RALGAPA2: variants seen among roughly 807,000 people sequenced by gnomAD.
RALGAPA2 encodes the protein ral GTPase-activating protein subunit alpha-2.
A neutral mutation model predicts 230.4 loss-of-function variants in RALGAPA2; 139 were observed. The observed-to-expected ratio is 0.60, with a 90% confidence interval of 0.53 to 0.69. RALGAPA2 has a LOEUF of 0.69. Among genes scored for constraint, RALGAPA2 ranks in the 30% least tolerant of loss-of-function variants. RALGAPA2 has a pLI of 0.00. For synonymous variants in RALGAPA2, 847 were observed against 837.8 expected (o/e 1.01, Z -0.19); for missense variants, 2,163 against 2,276.0 (o/e 0.95, Z 1.01).
At chr20:20,483,926 T>C (rs999945250) in intron 36 of RALGAPA2, among the ~76,000 whole-genome samples, 6 of 152,290 alleles carry the variant, frequency 3.9e-5, no homozygotes, top group South Asian at 2.1e-4. Context: ...TCTTGTACTC[T>C]AGTGATGCTG....
intron 36 of RALGAPA2, among the ~76,000 whole-genome samples, chr20:20,480,125 T>C (rs1458820352): frequency 6.6e-6 from 1 of 152,238 alleles, no homozygotes; most frequent in Non-Finnish European, 1.5e-5. Context: ...ACTAGAAGAC[T>C]CAATATTGTT....
chr20:20,603,667 T>C (rs1179028068), intron 15 of RALGAPA2, among the ~76,000 whole-genome samples: 1 of 152,136 alleles, frequency 6.6e-6, no homozygotes, highest in Non-Finnish European at 1.5e-5. Flanking sequence ...CCCGTAAAAG[T>C]AGAGCTGCCT....
chr20:20,554,044 C>G (rs970151975), intron 23 of RALGAPA2, among the ~76,000 whole-genome samples: 10 of 152,220 alleles, frequency 6.6e-5, no homozygotes, highest in African/African-American at 1.9e-4. Context: ...GTGTACAATT[C>G]AGTAGTTTTT....
chr20:20,505,533 G>A lies in RALGAPA2; in HGVS notation c.4930C>T (p.Arg1644Cys), dbSNP rs774236920. 7 of 1,564,098 alleles carry A rather than the reference G, an allele frequency of 4.5e-6. No individual in the cohort carries two copies. The highest frequency in any genetic ancestry group is 6.0e-6 in the Non-Finnish European group (7 of 1,159,036). ...ELKNLDSRQC[R>C]ETHKIAVFYI... is the part of the protein sequence containing the mutation. Reference sequence around the variant, plus strand: ...AACACTGCGATTTTGTGTGTCTCACGGCTATAAATTTTTAAATTTAAAGGA... The same window carrying A: ...AACACTGCGATTTTGTGTGTCTCACAGCTATAAATTTTTAAATTTAAAGGA... The change falls in exon 34 of 40, where the codon CGT becomes TGT. Residue 1644 changes from arginine (R) to cysteine (C), a missense_variant and splice_region_variant. Transcript: ENST00000202677.
At chr20:20,444,335 A>G (rs1401728095) in intron 37 of RALGAPA2, among the ~76,000 whole-genome samples, 1 of 152,248 alleles carries the variant, frequency 6.6e-6, no homozygotes, top group African/African-American at 2.4e-5. Flanking sequence ...GATGATCTGC[A>G]AAGGCACGCT....
chr20:20,541,433 T>C (rs2063639085), intron 24 of RALGAPA2, among the ~76,000 whole-genome samples: 1 of 152,248 alleles, frequency 6.6e-6, no homozygotes, highest in African/African-American at 2.4e-5. Flanking sequence ...TATGACATTC[T>C]TGTGCTTTGG....
At position 20,619,412 on chromosome 20, in the gene RALGAPA2, G is replaced by C; in HGVS notation, c.1404C>G (p.Ala468=). 6.3e-7 allele frequency: 1 copy of C among 1,596,850 alleles called. No homozygotes were observed. Among genetic ancestry groups the C allele is most frequent in the Non-Finnish European group, 8.5e-7 (1 of 1,169,640 alleles). The change falls in exon 12 of 40, where the codon GCC becomes GCG. Residue 468 remains alanine (A), a splice_region_variant and synonymous_variant. Transcript: ENST00000202677. The part of the protein sequence containing the change: ...LGFSETDSKE[A]SSESSGHKRS... ...GTTTATGACCAGAACTTTCAGATGA[G>C]GCCTTCAGAAGATAATGATCCATTA... is the stretch of plus-strand genomic sequence containing the variant.
At chr20:20,573,323 G>T (rs925788577) in intron 20 of RALGAPA2, among the ~76,000 whole-genome samples, 1 of 152,148 alleles carries the variant, frequency 6.6e-6, no homozygotes, top group Admixed American at 6.5e-5. Context: ...GGGTTTTATA[G>T]ATCAGGGGAG....
intron 30 of RALGAPA2, among the ~76,000 whole-genome samples, chr20:20,523,706 AT>A (rs1464312703): frequency 6.6e-6 from 1 of 152,220 alleles, no homozygotes; most frequent in Non-Finnish European, 1.5e-5. Context: ...TACATCTAAT[AT>A]GTATCAACAA....
At chr20:20,700,815 A>G (rs2069327853) in intron 1 of RALGAPA2, among the ~76,000 whole-genome samples, 1 of 152,242 alleles carries the variant, frequency 6.6e-6, no homozygotes, top group South Asian at 2.1e-4. Flanking sequence ...TTCATTTGGG[A>G]GAAACCACCA....
rs748982222 is a variant in RALGAPA2, at chr20:20,620,513, CA to C, written c.1350del (p.Ala451ProfsTer8). The C allele has an allele frequency of 1.2e-6, 2 of 1,613,972 alleles. No homozygotes were observed. Among genetic ancestry groups the C allele is most frequent in the Admixed American group, 3.3e-5 (2 of 60,032 alleles). On this transcript the variant is annotated frameshift_variant, in exon 11 of 40. Coordinates refer to ENST00000202677, the MANE Select transcript of RALGAPA2 (RefSeq NM_020343.4). LOFTEE classifies it high-confidence loss of function. ...VFMEEPDRKD[V>X]AQEDAEKLGF... ...CCTAATTTTTCAGCATCTTCTTGGGCAACATCTTTTCTATCTGGCTCCTCCA... is the reference window on the plus strand; with the variant it reads ...CCTAATTTTTCAGCATCTTCTTGGGCACATCTTTTCTATCTGGCTCCTCCA...
At chr20:20,452,999 G>A (rs2061024786) in intron 37 of RALGAPA2, among the ~76,000 whole-genome samples, 1 of 152,116 alleles carries the variant, frequency 6.6e-6, no homozygotes, top group African/African-American at 2.4e-5. Flanking sequence ...GTGGCCTCAG[G>A]CAAGTTATTT....
At chr20:20,628,121 TTTC>T (rs1203941849) in intron 10 of RALGAPA2, among the ~76,000 whole-genome samples, 1 of 152,256 alleles carries the variant, frequency 6.6e-6, no homozygotes, top group Non-Finnish European at 1.5e-5. Flanking sequence ...AGTAAAATTT[TTTC>T]TTCATTAAAA....
intron 35 of RALGAPA2, among the ~76,000 whole-genome samples, chr20:20,497,895 C>T (rs989613960): frequency 9.9e-5 from 15 of 152,174 alleles, no homozygotes; most frequent in African/African-American, 3.4e-4. Context: ...GGATATGTCA[C>T]AGTTTAATTA....
chr20:20,582,475 A>T lies in RALGAPA2; in HGVS notation c.2707+575T>A, dbSNP rs191449724. Among the ~76,000 whole-genome samples the T allele has an allele frequency of 3.3e-5, 5 of 152,088 alleles. No homozygotes were observed. In the East Asian group the frequency reaches 5.8e-4, roughly 18 times the overall value. The stretch of plus-strand genomic sequence containing the variant: ...TGCAAAAAATACAGAGTATGAAGTC[A>T]TTTTTTTTAAGTTTAGAAACAAAAC... On this transcript the variant is annotated intron_variant, in intron 20 of 39. Transcript: ENST00000202677.
At position 20,391,047 on chromosome 20, in the gene RALGAPA2, CAT is replaced by C. The variant is rs1213659425; in HGVS notation, c.*2240_*2241del. The C allele has an allele frequency of 2.0e-5, 3 of 152,350 alleles. No individual in the cohort carries two copies. The East Asian group carries it at 5.8e-4, about 29-fold the overall frequency. 9.4% of individuals were successfully genotyped at this position (152,350 alleles called of 1,614,324 possible). ...GTTCAATACGATTTCTAAATCCTGA[CAT>C]ATCTTTTCTACTAAAGCCAGCAATT... On this transcript the variant is annotated 3_prime_UTR_variant, in exon 40 of 40. Transcript: ENST00000202677.
intron 4 of RALGAPA2, among the ~76,000 whole-genome samples, chr20:20,648,991 AC>A (rs528816199): frequency 1.3e-5 from 2 of 151,632 alleles, no homozygotes; most frequent in African/African-American, 4.9e-5. Flanking sequence ...CAAGAAGAGG[AC>A]CCCCCCAGAG....
intron 27 of RALGAPA2, among the ~76,000 whole-genome samples, chr20:20,528,978 C>A: frequency 6.6e-6 from 1 of 152,080 alleles, no homozygotes; most frequent in South Asian, 2.1e-4. Context: ...TGGTTGTTCT[C>A]CTCGTTCCTT....
intron 1 of RALGAPA2, among the ~76,000 whole-genome samples, chr20:20,690,698 T>G (rs6082103): frequency 0.029 from 4,427 of 152,178 alleles, 87 homozygotes; most frequent in South Asian, 0.061. Flanking sequence ...GCAGTCTGCC[T>G]GGTAAGGCTT....
Sources: allele counts gnomAD v4.1 joint callset (sites outside exome capture counted in the v4.1 genomes callset), GRCh38; gene constraint gnomAD v4.1.1; transcripts MANE v1.5; gene names NCBI Gene and HGNC (gene_info 2026-07-23, HGNC 2026-07-21).